Variants in NRXN1 observed in about 807,000 individuals in gnomAD.
NRXN1 encodes the protein neurexin 1, also known as neurexin-1.
In NRXN1, 39 loss-of-function variants were observed where a neutral mutation model predicts 150.9. That is an observed-to-expected ratio of 0.26 (90% confidence interval 0.20 to 0.34). The LOEUF is 0.34. Among genes scored for constraint, NRXN1 ranks in the 10% least tolerant of loss-of-function variants. The probability of loss-of-function intolerance (pLI) is 1.00; values close to 1 mark genes in which losing one functional copy is unlikely to be tolerated. For synonymous variants in NRXN1, 924 were observed against 757.0 expected (o/e 1.22, Z -3.62); for missense variants, 1,815 against 1,949.9 (o/e 0.93, Z 1.30).
chr2:50,382,280 T>C lies in NRXN1; in HGVS notation c.3364+83162A>G, dbSNP rs1003292788. On this transcript the variant is annotated intron_variant, in intron 17 of 22. Transcript: ENST00000401669. ...TCTGATACTTCCCCATTGTATTGAT[T>C]TATCTTTAAATGCTTATCATGATTT... Among the ~76,000 whole-genome samples, 13 of 152,146 alleles carry C rather than the reference T, an allele frequency of 8.5e-5. No homozygotes were observed. The East Asian group carries it at 2.3e-3, about 27-fold the overall frequency.
intron 13 of NRXN1, among the ~76,000 whole-genome samples, chr2:50,504,133 T>C (rs977759332): frequency 5.5e-5 from 4 of 73,258 alleles, no homozygotes; most frequent in Non-Finnish European, 7.4e-5. Context: ...TAAAGAAACA[T>C]GACAACTAAA....
At chr2:50,512,160 AAG>A (rs2092474951) in intron 12 of NRXN1, among the ~76,000 whole-genome samples, 2 of 152,164 alleles carry the variant, frequency 1.3e-5, no homozygotes, top group African/African-American at 2.4e-5. Flanking sequence ...GGCTACATGA[AAG>A]AGTGCAATGT....
At chr2:50,470,694 C>A (rs2089374017) in intron 16 of NRXN1, among the ~76,000 whole-genome samples, 1 of 151,642 alleles carries the variant, frequency 6.6e-6, no homozygotes, top group African/African-American at 2.4e-5. Context: ...TTCAAAATGG[C>A]CCAAACTGTG....
At chr2:50,951,479 G>C (rs1180200137) in intron 2 of NRXN1, among the ~76,000 whole-genome samples, 1 of 152,078 alleles carries the variant, frequency 6.6e-6, no homozygotes, top group Non-Finnish European at 1.5e-5. Flanking sequence ...TGAACACCAA[G>C]TATTTTTGGC....
chr2:50,553,082 T>C lies in NRXN1; in HGVS notation c.1321-57A>G, dbSNP rs1487933016. The C allele has an allele frequency of 2.5e-5, 30 of 1,208,864 alleles. No individual in the cohort carries two copies. The East Asian group carries it at 7.0e-4, about 28-fold the overall frequency. 74.9% of individuals were successfully genotyped at this position (1,208,864 alleles called of 1,614,324 possible). On this transcript the variant is annotated intron_variant, in intron 8 of 22. Coordinates refer to ENST00000401669, the MANE Select transcript of NRXN1 (RefSeq NM_001330078.2). ...CCTCCATATTTTAATATCTGAAACT[T>C]GTGAACAGCTCATGTAACTTTCAAC... is the stretch of plus-strand genomic sequence containing the variant.
intron 17 of NRXN1, among the ~76,000 whole-genome samples, chr2:50,426,259 G>C (rs2084480831): frequency 6.6e-6 from 1 of 152,122 alleles, no homozygotes; most frequent in Non-Finnish European, 1.5e-5. Flanking sequence ...GCCACCAATT[G>C]TGTTTCTTAG....
At chr2:49,947,514 C>CTTTTTTTTTTTTTTTTTT (rs199991365) in intron 21 of NRXN1, among the ~76,000 whole-genome samples, 5 of 109,002 alleles carry the variant, frequency 4.6e-5, no homozygotes, top group East Asian at 2.5e-4. Flanking sequence ...TTTTTTTTTT[C>CTTTTTTTTTTTTTTTTTT]TTTTTTTTTT....
At chr2:50,784,011 T>C (rs1410026735) in intron 5 of NRXN1, among the ~76,000 whole-genome samples, 1 of 152,132 alleles carries the variant, frequency 6.6e-6, no homozygotes, top group African/African-American at 2.4e-5. Flanking sequence ...CCAGCAATCT[T>C]CTGCTGAGGT....
chr2:50,132,819 G>C (rs1391345516), intron 18 of NRXN1, among the ~76,000 whole-genome samples: 2 of 149,826 alleles, frequency 1.3e-5, no homozygotes, highest in Non-Finnish European at 3.0e-5. Context: ...AGTTAGGAAA[G>C]TACTCTATGT....
At chr2:49,927,893 A>T (rs1224410352) in intron 22 of NRXN1, among the ~76,000 whole-genome samples, 1 of 152,154 alleles carries the variant, frequency 6.6e-6, no homozygotes, top group Non-Finnish European at 1.5e-5. Context: ...TTCCAAAGTT[A>T]ACTTTCAAGG....
intron 8 of NRXN1, among the ~76,000 whole-genome samples, chr2:50,592,690 T>C (rs1204457991): frequency 6.6e-6 from 1 of 152,216 alleles, no homozygotes; most frequent in African/African-American, 2.4e-5. Context: ...TTATAGACTT[T>C]GTAATCTATT....
chr2:50,983,182 C>A (rs1016907221), intron 2 of NRXN1, among the ~76,000 whole-genome samples: 9 of 151,988 alleles, frequency 5.9e-5, no homozygotes, highest in Non-Finnish European at 8.8e-5. Flanking sequence ...CACTTTTTGC[C>A]ATTTATTTAA....
Position 50,240,839 on chromosome 2 carries a change from G to T in NRXN1, c.3365-3869C>A, listed in dbSNP as rs141974947. Among the ~76,000 whole-genome samples, 12 of 151,738 alleles carry T rather than the reference G, an allele frequency of 7.9e-5. No homozygotes were observed. The East Asian group carries it at 2.3e-3, about 30-fold the overall frequency. ...GTCCATTTCCTAGTATGTGATAAAT[G>T]CCTAATAAATTTTAGAGAGAATAGG... is the stretch of plus-strand genomic sequence containing the variant. On this transcript the variant is annotated intron_variant, in intron 17 of 22. Transcript: ENST00000401669.
intron 8 of NRXN1, among the ~76,000 whole-genome samples, chr2:50,614,010 T>A (rs1678623699): frequency 1.3e-5 from 2 of 152,086 alleles, no homozygotes; most frequent in Non-Finnish European, 2.9e-5. Flanking sequence ...TGGATCTGTA[T>A]GGAAAATGTT....
chr2:50,890,414 A>AT (rs1452391852), intron 5 of NRXN1, among the ~76,000 whole-genome samples: 2 of 151,880 alleles, frequency 1.3e-5, no homozygotes, highest in Non-Finnish European at 2.9e-5. Flanking sequence ...GTAAAACATA[A>AT]TTAAAAGACT....
intron 17 of NRXN1, among the ~76,000 whole-genome samples, chr2:50,451,255 C>G (rs530762341): frequency 1.3e-5 from 2 of 152,300 alleles, no homozygotes; most frequent in African/African-American, 4.8e-5. Flanking sequence ...AGGCGTGAGT[C>G]ACCACGCCTG....
Position 50,702,944 on chromosome 2 carries a change from T to C in NRXN1, c.833-79329A>G, listed in dbSNP as rs562189214. Among the ~76,000 whole-genome samples the C allele has an allele frequency of 7.9e-5, 12 of 152,076 alleles. 1 individual carries two copies. In the South Asian group the frequency reaches 2.3e-3, roughly 29 times the overall value. On this transcript the variant is annotated intron_variant, in intron 5 of 22. Transcript: ENST00000401669. ...GATGCCCTTTTTGTTTTGTTCTGCT[T>C]CCCCCTTTATAATAGGATATAAACA...
At chr2:49,966,554 T>C (rs1384079906) in intron 21 of NRXN1, 1 of 151,662 alleles carries the variant, frequency 6.6e-6, no homozygotes, top group South Asian at 2.1e-4. Context: ...ATTCACACTC[T>C]AAAATCATGA....
chr2:50,867,114 G>C (rs754159464), intron 5 of NRXN1, among the ~76,000 whole-genome samples: 1 of 151,904 alleles, frequency 6.6e-6, no homozygotes, highest in African/African-American at 2.4e-5. Context: ...AACTTTCTTA[G>C]GACATCTCAT....
Sources: gnomAD v4.1 joint callset for allele counts (sites outside exome capture counted in the v4.1 genomes callset) on GRCh38, gnomAD v4.1.1 for gene constraint, MANE v1.5 for transcripts, NCBI Gene and HGNC (gene_info 2026-07-23, HGNC 2026-07-21) for gene names.